Variants in UBASH3B observed in about 807,000 individuals in gnomAD.
UBASH3B encodes ubiquitin associated and SH3 domain containing B.
Under a neutral mutation model 83.4 loss-of-function variants are expected in UBASH3B, and 37 were observed. The observed-to-expected ratio is 0.44, with a 90% CI of 0.34 to 0.58. The LOEUF (loss-of-function observed/expected upper bound fraction) is 0.58. Ranked by LOEUF, UBASH3B falls within the 20% of genes least tolerant of loss-of-function variation. The pLI is 0.01. For synonymous variants in UBASH3B, 304 were observed against 318.3 expected (o/e 0.96, Z 0.48); for missense variants, 657 against 827.2 (o/e 0.79, Z 2.52).
In UBASH3B at chr11:122,655,977, C is replaced by T; in HGVS notation, c.-73C>T. 7.3e-7 allele frequency: 1 copy of T among 1,373,744 alleles called. No homozygotes were observed. Among genetic ancestry groups the T allele is most frequent in the Admixed American group, 3.0e-5 (1 of 33,490 alleles). The allele number at this position is 1,373,744 out of a possible 1,614,324, so 85.1% of individuals were successfully genotyped here. A position where few individuals can be genotyped will look rare whatever the true frequency, so the allele number is the denominator to read the frequency against. On this transcript the variant is annotated 5_prime_UTR_variant, in exon 1 of 14. Coordinates refer to ENST00000284273, the MANE Select transcript of UBASH3B (RefSeq NM_032873.5). Reference sequence around the variant, plus strand: ...GGTCCCCGAGCCCCCTCCCCTGGCCCAGCCCGACTCCCTCCTCCTTCCCGA... The same window carrying T: ...GGTCCCCGAGCCCCCTCCCCTGGCCTAGCCCGACTCCCTCCTCCTTCCCGA...
At chr11:122,800,699 C>T (rs931802663) in intron 10 of UBASH3B, among the ~76,000 whole-genome samples, 1 of 152,012 alleles carries the variant, frequency 6.6e-6, no homozygotes, top group Non-Finnish European at 1.5e-5. Context: ...ACTTTCGCCT[C>T]CTGGGTTCAA....
At chr11:122,735,846 G>C (rs894071714) in intron 1 of UBASH3B, among the ~76,000 whole-genome samples, 4 of 152,194 alleles carry the variant, frequency 2.6e-5, no homozygotes, top group Non-Finnish European at 5.9e-5. Flanking sequence ...GTGGCGGCTT[G>C]AGCCTAGAGA....
intron 1 of UBASH3B, among the ~76,000 whole-genome samples, chr11:122,715,288 A>C (rs182333280): frequency 6.6e-5 from 10 of 152,282 alleles, no homozygotes; most frequent in Admixed American, 6.5e-4. Flanking sequence ...CATTTAAATA[A>C]CACTTAAGAT....
chr11:122,694,581 TGGAA>T lies in UBASH3B; in HGVS notation c.161+38389_161+38392del, dbSNP rs201163580. ...GCAAGACTCTGTCTCTAAAAAAACT[TGGAA>T]GGAAGGAAGGAAGGAAGTTACTTAA... On this transcript the variant is annotated intron_variant, in intron 1 of 13. Transcript: ENST00000284273. Among the ~76,000 whole-genome samples the T allele has an allele frequency of 9.9e-4, 151 of 152,068 alleles. No individual in the cohort carries two copies. In the East Asian group the frequency reaches 0.024, roughly 24 times the overall value.
chr11:122,734,799 T>TAA (rs1011855426), intron 1 of UBASH3B, among the ~76,000 whole-genome samples: 1 of 140,012 alleles, frequency 7.1e-6, no homozygotes, highest in South Asian at 2.3e-4. Context: ...AGCTGTATCT[T>TAA]AAAAAAAAAA....
chr11:122,764,848 G>A (rs1054779842), intron 1 of UBASH3B, among the ~76,000 whole-genome samples: 2 of 152,148 alleles, frequency 1.3e-5, no homozygotes, highest in African/African-American at 2.4e-5. Context: ...CTCTGCACAC[G>A]GAGTAGACTC....
intron 1 of UBASH3B, among the ~76,000 whole-genome samples, chr11:122,676,416 G>A (rs571047099): frequency 1.2e-4 from 19 of 152,246 alleles, no homozygotes; most frequent in African/African-American, 4.1e-4. Flanking sequence ...GCAGGTGCCT[G>A]TAATCCCAGT....
At chr11:122,683,476 G>T (rs186834271) in intron 1 of UBASH3B, among the ~76,000 whole-genome samples, 9 of 151,386 alleles carry the variant, frequency 5.9e-5, no homozygotes, top group Non-Finnish European at 1.2e-4. Flanking sequence ...TTAGCCGGGC[G>T]TGGTGGCGCA....
chr11:122,678,682 G>A (rs1047220237), intron 1 of UBASH3B, among the ~76,000 whole-genome samples: 18 of 152,004 alleles, frequency 1.2e-4, no homozygotes, highest in Non-Finnish European at 2.2e-4. Flanking sequence ...AGTCAGTCAT[G>A]GGGAGGGGCT....
At chr11:122,700,497 C>CTTTTTTTT (rs10640825) in intron 1 of UBASH3B, among the ~76,000 whole-genome samples, 6 of 118,800 alleles carry the variant, frequency 5.1e-5, no homozygotes, top group East Asian at 2.5e-4. Context: ...TACTTCTGAT[C>CTTTTTTTT]TTTTTTTTTT....
At chr11:122,795,595 G>A (rs985065641) in intron 7 of UBASH3B, among the ~76,000 whole-genome samples, 1 of 152,248 alleles carries the variant, frequency 6.6e-6, no homozygotes, top group Non-Finnish European at 1.5e-5. Context: ...GGTAGCAGTT[G>A]TCTCATTTTG....
At chr11:122,789,834 G>T (rs1861020319) in intron 6 of UBASH3B, among the ~76,000 whole-genome samples, 1 of 152,150 alleles carries the variant, frequency 6.6e-6, no homozygotes, top group Non-Finnish European at 1.5e-5. Context: ...TAAGGGAACA[G>T]GCAACTGCCA....
chr11:122,700,310 G>A (rs1200334300), intron 1 of UBASH3B, among the ~76,000 whole-genome samples: 1 of 152,096 alleles, frequency 6.6e-6, no homozygotes, highest in African/African-American at 2.4e-5. Flanking sequence ...GCTCTGACCA[G>A]AGTTACACAT....
chr11:122,792,598 C>T (rs1306772503), intron 6 of UBASH3B, among the ~76,000 whole-genome samples: 6 of 152,130 alleles, frequency 3.9e-5, no homozygotes, highest in Admixed American at 6.5e-5. Context: ...GAATTACAGA[C>T]GTGAGCCGCT....
Position 122,749,386 on chromosome 11 carries a change from C to T in UBASH3B, c.162-26833C>T, listed in dbSNP as rs548021461. Among the ~76,000 whole-genome samples, 12 of 152,380 alleles carry T rather than the reference C, an allele frequency of 7.9e-5. No homozygotes were observed. In the South Asian group the frequency reaches 1.9e-3, roughly 24 times the overall value. ...CACTTCATGTATTGGCAACACTTGC[C>T]TTAAACCTAGAAAATAATCACAATT... On this transcript the variant is annotated intron_variant, in intron 1 of 13. Coordinates refer to ENST00000284273, the MANE Select transcript of UBASH3B (RefSeq NM_032873.5).
intron 1 of UBASH3B, among the ~76,000 whole-genome samples, chr11:122,687,068 C>T (rs1200421177): frequency 1.3e-5 from 2 of 152,008 alleles, no homozygotes; most frequent in African/African-American, 2.4e-5. Flanking sequence ...GGGGTTTCAC[C>T]ATGTTGGCCA....
chr11:122,792,437 G>A (rs1358396450), intron 6 of UBASH3B, among the ~76,000 whole-genome samples: 1 of 151,196 alleles, frequency 6.6e-6, no homozygotes, highest in Non-Finnish European at 1.5e-5. Flanking sequence ...TCCTGCCTCA[G>A]CCCCCCGAGT....
At chr11:122,691,426 T>C (rs1025221377) in intron 1 of UBASH3B, among the ~76,000 whole-genome samples, 15 of 152,210 alleles carry the variant, frequency 9.9e-5, no homozygotes, top group African/African-American at 3.4e-4. Context: ...AAACTGGCCT[T>C]TGTTAGCTCA....
At chr11:122,771,893 G>C (rs536868126) in intron 1 of UBASH3B, among the ~76,000 whole-genome samples, 11 of 152,276 alleles carry the variant, frequency 7.2e-5, no homozygotes, top group Non-Finnish European at 1.5e-4. Context: ...CTTAGGATCA[G>C]TTGGGGCACT....
Sources: gnomAD v4.1 joint callset for allele counts (sites outside exome capture counted in the v4.1 genomes callset) on GRCh38, gnomAD v4.1.1 for gene constraint, MANE v1.5 for transcripts, NCBI Gene and HGNC (gene_info 2026-07-23, HGNC 2026-07-21) for gene names.